XRCC4: variants seen among roughly 807,000 people sequenced by gnomAD.
The protein encoded by XRCC4 is X-ray repair cross complementing 4.
XRCC4 carries 28 observed loss-of-function variants against 39.1 expected under a neutral mutation model. That is an observed-to-expected ratio of 0.72 (90% CI 0.53 to 0.98). The LOEUF (loss-of-function observed/expected upper bound fraction) is 0.98, where lower values mean the gene tolerates loss of function less well. XRCC4 is among the 50% of genes least tolerant of loss of function. XRCC4 has a pLI of 0.00. For synonymous variants in XRCC4, 123 were observed against 126.4 expected, an observed-to-expected ratio of 0.97 and a Z score of 0.18; for missense variants, 350 against 376.4, an observed-to-expected ratio of 0.93 and a Z score of 0.58.
At chr5:83,374,026 A>G in the XRCC4 span, among the ~76,000 whole-genome samples, 1 of 152,234 alleles carries the variant, frequency 6.6e-6, no homozygotes, top group African/African-American at 2.4e-5. Flanking sequence ...ATCACAAAGC[A>G]AATACATTAG....
At chr5:83,221,309 A>G (rs1002726699) in intron 6 of XRCC4, among the ~76,000 whole-genome samples, 4 of 152,088 alleles carry the variant, frequency 2.6e-5, no homozygotes, top group Admixed American at 6.6e-5. Flanking sequence ...GGTATATACT[A>G]TTATTATCAC....
intron 7 of XRCC4, among the ~76,000 whole-genome samples, chr5:83,313,546 G>A (rs891797631): frequency 6.6e-6 from 1 of 151,876 alleles, no homozygotes; most frequent in South Asian, 2.1e-4. Context: ...CAATATATTA[G>A]GCCTACTGTG....
intron 3 of XRCC4, among the ~76,000 whole-genome samples, chr5:83,128,597 A>G (rs971961452): frequency 3.9e-5 from 6 of 152,162 alleles, no homozygotes; most frequent in Non-Finnish European, 1.5e-5. Flanking sequence ...CCAACAGTGT[A>G]AAAGTGTTCC....
chr5:83,259,476 G>A (rs185102401), intron 7 of XRCC4: 1 of 152,064 alleles, frequency 6.6e-6, no homozygotes, highest in Non-Finnish European at 1.5e-5. Context: ...GGTCCATAAG[G>A]TCGTCCCTTC....
At chr5:83,237,115 T>A (rs1424811751) in intron 6 of XRCC4, among the ~76,000 whole-genome samples, 2 of 151,928 alleles carry the variant, frequency 1.3e-5, no homozygotes, top group Non-Finnish European at 2.9e-5. Flanking sequence ...TTGGTGGGAA[T>A]GTAAATTAGT....
chr5:83,343,466 A>T (rs2112208369), intron 7 of XRCC4, among the ~76,000 whole-genome samples: 1 of 152,234 alleles, frequency 6.6e-6, no homozygotes, highest in East Asian at 1.9e-4. Flanking sequence ...TATTCTTCTC[A>T]ACTCCAGATA....
At chr5:83,253,285 G>A (rs1022050092) in intron 6 of XRCC4, among the ~76,000 whole-genome samples, 1 of 152,186 alleles carries the variant, frequency 6.6e-6, no homozygotes, top group East Asian at 1.9e-4. Flanking sequence ...GGATTTGAAC[G>A]CAGGGCTAAG....
At chr5:83,271,386 T>C (rs1359128134) in intron 7 of XRCC4, among the ~76,000 whole-genome samples, 1 of 152,186 alleles carries the variant, frequency 6.6e-6, no homozygotes, top group Non-Finnish European at 1.5e-5. Flanking sequence ...CAATCTAAAA[T>C]AGCATAAAGT....
intron 6 of XRCC4, among the ~76,000 whole-genome samples, chr5:83,243,512 G>A (rs139380119): frequency 2.7e-4 from 41 of 152,232 alleles, no homozygotes; most frequent in African/African-American, 9.6e-4. Flanking sequence ...CCTTGACCTC[G>A]CTTAACATTA....
intron 1 of XRCC4, among the ~76,000 whole-genome samples, chr5:83,092,766 TAGG>T (rs1476011737): frequency 6.6e-6 from 1 of 151,948 alleles, no homozygotes; most frequent in Non-Finnish European, 1.5e-5. Context: ...CAAAAATCTG[TAGG>T]AGATTCACAA....
intron 3 of XRCC4, among the ~76,000 whole-genome samples, chr5:83,149,922 C>G (rs1332429418): frequency 6.6e-6 from 1 of 152,008 alleles, no homozygotes; most frequent in African/African-American, 2.4e-5. Context: ...ATATCATCAC[C>G]AGTTCTGTGA....
rs1456939421 is a variant in XRCC4 at position 83,195,820 on chromosome 5, C to T, written c.366C>T (p.Val122=). Residue 122 remains valine (V), a synonymous_variant, in exon 4 of 8, where the codon GTC becomes GTT. Transcript: ENST00000396027. The part of the protein sequence containing the change: ...NLEKVENPAE[V]IRELICYCLD... ...AGAAAGTTGAAAACCCAGCTGAAGT[C>T]ATTAGAGAACTTATTTGTTATTGCT... 3 of 1,610,804 alleles carry T rather than the reference C, an allele frequency of 1.9e-6. No homozygotes were observed. Among genetic ancestry groups the T allele is most frequent in the Middle Eastern group, 1.7e-4 (1 of 6,044 alleles).
intron 1 of XRCC4, among the ~76,000 whole-genome samples, chr5:83,086,013 G>C (rs527720323): frequency 6.6e-6 from 1 of 152,150 alleles, no homozygotes; most frequent in Non-Finnish European, 1.5e-5. Flanking sequence ...TTTAAACTTA[G>C]CAATTCTTTG....
intron 7 of XRCC4, among the ~76,000 whole-genome samples, chr5:83,328,229 C>T (rs960163936): frequency 6.6e-6 from 1 of 152,032 alleles, no homozygotes; most frequent in Non-Finnish European, 1.5e-5. Flanking sequence ...GACTGGCCCC[C>T]ATGATTCAAT....
intron 7 of XRCC4, among the ~76,000 whole-genome samples, chr5:83,329,881 G>A (rs974932801): frequency 2.0e-5 from 3 of 152,056 alleles, no homozygotes; most frequent in Admixed American, 6.6e-5. Flanking sequence ...GACATTTTGA[G>A]GTAAAGGACA....
intron 1 of XRCC4, among the ~76,000 whole-genome samples, chr5:83,095,418 C>G (rs1382376): frequency 0.49 from 73,831 of 151,978 alleles, 18,715 homozygotes; most frequent in African/African-American, 0.62. Flanking sequence ...AATAGAAATG[C>G]TTATTAGAAA....
At chr5:83,194,082 A>C (rs1750833245) in intron 3 of XRCC4, among the ~76,000 whole-genome samples, 1 of 152,128 alleles carries the variant, frequency 6.6e-6, no homozygotes, top group South Asian at 2.1e-4. Context: ...ATAAGCGTGC[A>C]CCACCATGTC....
chr5:83,240,269 G>A (rs914045052), intron 6 of XRCC4, among the ~76,000 whole-genome samples: 1 of 152,184 alleles, frequency 6.6e-6, no homozygotes, highest in Non-Finnish European at 1.5e-5. Context: ...TGGCAGAGTG[G>A]TGAGAAATGA....
intron 3 of XRCC4, among the ~76,000 whole-genome samples, chr5:83,174,084 G>A (rs553634191): frequency 6.6e-6 from 1 of 152,164 alleles, no homozygotes; most frequent in East Asian, 1.9e-4. Context: ...TGCTAAGAAG[G>A]GGCTTTGACT....
Sources: allele counts gnomAD v4.1 joint callset (sites outside exome capture counted in the v4.1 genomes callset), GRCh38; gene constraint gnomAD v4.1.1; transcripts MANE v1.5; gene names NCBI Gene and HGNC (gene_info 2026-07-23, HGNC 2026-07-21).